Variants in AMPH observed in about 807,000 individuals in gnomAD.
AMPH encodes the protein amphiphysin (Stiff-Mann syndrome with breast cancer 128kD autoantigen).
In AMPH, 49 loss-of-function variants were observed where a neutral mutation model predicts 99.1. That is an observed-to-expected ratio of 0.49 (90% CI 0.39 to 0.63). AMPH has a LOEUF of 0.63. Ranked by LOEUF, AMPH falls within the 20% of genes least tolerant of loss-of-function variation. The probability of loss-of-function intolerance (pLI) is 0.00; values close to 1 mark genes in which losing one functional copy is unlikely to be tolerated. For synonymous variants in AMPH, 314 were observed against 317.3 expected (o/e 0.99, Z 0.11); for missense variants, 759 against 863.4 (o/e 0.88, Z 1.52).
intron 1 of AMPH, among the ~76,000 whole-genome samples, chr7:38,547,173 G>A (rs1791023059): frequency 6.6e-6 from 1 of 151,980 alleles, no homozygotes. Context: ...TTTAGGCCTG[G>A]GGAAAAATGT....
intron 1 of AMPH, among the ~76,000 whole-genome samples, chr7:38,620,770 T>C (rs1264724750): frequency 1.3e-5 from 2 of 152,122 alleles, no homozygotes; most frequent in South Asian, 2.1e-4. Flanking sequence ...GAAAGCATAC[T>C]GGGTTGGAGT....
intron 11 of AMPH, among the ~76,000 whole-genome samples, chr7:38,458,002 A>T (rs957785802): frequency 6.6e-6 from 1 of 152,122 alleles, no homozygotes; most frequent in African/African-American, 2.4e-5. Flanking sequence ...TTGGTAGTAT[A>T]CTGCAGTAGT....
chr7:38,620,558 C>T (rs1242311943), intron 1 of AMPH, among the ~76,000 whole-genome samples: 4 of 101,110 alleles, frequency 4.0e-5, no homozygotes, highest in African/African-American at 7.0e-5. Flanking sequence ...TACACACACA[C>T]ACACACACAC....
rs1454617221 is a variant in AMPH at position 38,616,288 on chromosome 7, AAT to A, written c.69+14993_69+14994del. 3.9e-5 allele frequency among the ~76,000 whole-genome samples: 6 copies of A among 152,238 alleles called. No individual in the cohort carries two copies. The South Asian group carries it at 1.2e-3, about 31-fold the overall frequency. On this transcript the variant is annotated intron_variant, in intron 1 of 20. Transcript: ENST00000356264. ...AGATAAAATCAATTATCACTAAACA[AAT>A]ATGAGTCCCATGGGGATGCAGGAGT...
chr7:38,619,151 C>G (rs1793970033), intron 1 of AMPH, among the ~76,000 whole-genome samples: 1 of 152,120 alleles, frequency 6.6e-6, no homozygotes. Flanking sequence ...ATGATCGTGC[C>G]TGTACTCCAG....
intron 1 of AMPH, among the ~76,000 whole-genome samples, chr7:38,584,511 A>G (rs559290513): frequency 4.6e-5 from 7 of 152,352 alleles, no homozygotes; most frequent in African/African-American, 1.4e-4. Context: ...TTTTCTGACA[A>G]TGCCGTCCAT....
chr7:38,478,749 A>G (rs987093481), intron 5 of AMPH, among the ~76,000 whole-genome samples: 1 of 152,194 alleles, frequency 6.6e-6, no homozygotes, highest in African/African-American at 2.4e-5. Context: ...GGAATTTCAG[A>G]AGAGATATAG....
At chr7:38,591,285 TTTTTC>T (rs1248704423) in intron 1 of AMPH, among the ~76,000 whole-genome samples, 4 of 113,808 alleles carry the variant, frequency 3.5e-5, no homozygotes, top group Admixed American at 8.0e-5. Flanking sequence ...TTTCTTTTTC[TTTTTC>T]TTTTTTTTTT....
intron 2 of AMPH, among the ~76,000 whole-genome samples, chr7:38,526,701 T>C (rs1434828605): frequency 6.6e-6 from 1 of 152,174 alleles, no homozygotes; most frequent in African/African-American, 2.4e-5. Context: ...GCAAATATTT[T>C]CTCCCAGTCC....
chr7:38,450,992 G>A (rs1786990799), intron 11 of AMPH, among the ~76,000 whole-genome samples: 1 of 151,146 alleles, frequency 6.6e-6, no homozygotes, highest in African/African-American at 2.4e-5. Flanking sequence ...CTGGGCTCAA[G>A]AGATCCACCT....
chr7:38,549,131 G>C (rs1398013399), intron 1 of AMPH, among the ~76,000 whole-genome samples: 1 of 152,230 alleles, frequency 6.6e-6, no homozygotes, highest in Non-Finnish European at 1.5e-5. Context: ...CCTTGCTGAG[G>C]ACTCCTTTAC....
chr7:38,624,398 T>C (rs1329521023), intron 1 of AMPH, among the ~76,000 whole-genome samples: 2 of 152,056 alleles, frequency 1.3e-5, no homozygotes, highest in Non-Finnish European at 2.9e-5. Context: ...TTAGTATTAG[T>C]ATTAGTATTA....
rs1784506835 is a variant in AMPH at position 38,391,874 on chromosome 7, C to G, written c.1752G>C (p.Leu584=). ...CCTGGATAGGCTTCTGCTCCGTAGC[C>G]AGCTCCGGTGTCTCGCTGGTGGGGC... ...PPGPTSETPE[L]ATEQKPIQDP... Residue 584 remains leucine, a synonymous_variant, in exon 19 of 21, where the codon CTG becomes CTC. Coordinates refer to ENST00000356264, the MANE Select transcript of AMPH (RefSeq NM_001635.4). The G allele has an allele frequency of 6.2e-7, 1 of 1,612,810 alleles. No homozygotes were observed. The highest frequency in any genetic ancestry group is 1.3e-5 in the African/African-American group (1 of 74,848).
intron 11 of AMPH, among the ~76,000 whole-genome samples, chr7:38,441,853 TATATATC>T (rs749231938): frequency 1.1e-5 from 1 of 91,036 alleles, no homozygotes; most frequent in Non-Finnish European, 2.0e-5. Flanking sequence ...ATATATATCA[TATATATC>T]ATATATATCA....
At chr7:38,602,433 G>A (rs893253327) in intron 1 of AMPH, among the ~76,000 whole-genome samples, 1 of 152,190 alleles carries the variant, frequency 6.6e-6, no homozygotes, top group Non-Finnish European at 1.5e-5. Context: ...GCTCCTTCTG[G>A]AAGCTCTAAA....
chr7:38,452,829 C>T (rs1030621804), intron 11 of AMPH, among the ~76,000 whole-genome samples: 30 of 152,142 alleles, frequency 2.0e-4, no homozygotes, highest in African/African-American at 7.0e-4. Flanking sequence ...CCCAGACCTG[C>T]CAAATCAGAA....
intron 6 of AMPH, 129 bp downstream of exon 6, chr7:38,476,733 T>C (rs1274445982): frequency 1.6e-6 from 1 of 618,644 alleles, no homozygotes; most frequent in African/African-American, 1.8e-5. Flanking sequence ...TAAAAAGCAC[T>C]ATGTTTCAGT....
chr7:38,630,550 T>G (rs538025375), intron 1 of AMPH, among the ~76,000 whole-genome samples: 1 of 152,376 alleles, frequency 6.6e-6, no homozygotes, highest in South Asian at 2.1e-4. Flanking sequence ...TCCTTCTTTG[T>G]GCAGAAATAT....
At chr7:38,393,291 T>C (rs578048681) in intron 18 of AMPH, among the ~76,000 whole-genome samples, 178 of 152,314 alleles carry the variant, frequency 1.2e-3, no homozygotes, top group African/African-American at 3.9e-3. Context: ...TGAAAACTTA[T>C]TGGGAGTAAA....
Sources: allele counts gnomAD v4.1 joint callset (sites outside exome capture counted in the v4.1 genomes callset), GRCh38; gene constraint gnomAD v4.1.1; transcripts MANE v1.5; gene names NCBI Gene and HGNC (gene_info 2026-07-23, HGNC 2026-07-21).